The following CLMP variants were observed in gnomAD, a reference collection of about 807,000 sequenced individuals.
CLMP encodes CXADR like cell adhesion molecule.
In CLMP, 27 loss-of-function variants were observed where a neutral mutation model predicts 45.2. The ratio of observed to expected loss-of-function variants is 0.60; its 90% CI spans 0.44 to 0.82. The LOEUF is 0.82. CLMP is among the 40% of genes least tolerant of loss of function. The pLI is 0.00. For missense variants in CLMP, 403 were observed against 448.4 expected, an observed-to-expected ratio of 0.90 and a Z score of 0.91; for synonymous variants, 167 against 171.4, an observed-to-expected ratio of 0.97 and a Z score of 0.20.
chr11:123,084,689 C>T lies in CLMP; in HGVS notation c.211G>A (p.Val71Ile). Residue 71 changes from valine (V) to isoleucine (I), a missense_variant, in exon 3 of 7, where the codon GTC becomes ATC. Coordinates refer to ENST00000448775, the MANE Select transcript of CLMP (RefSeq NM_024769.5). ...KVVITYSSRHVYNNLTEEQKG... is the reference protein window; with the variant it reads ...KVVITYSSRHIYNNLTEEQKG... Reference sequence around the variant, plus strand: ...TGTTCCTCAGTCAAGTTATTGTAGACATGACGACTGGAGTAAGTGATCACC... The same window carrying T: ...TGTTCCTCAGTCAAGTTATTGTAGATATGACGACTGGAGTAAGTGATCACC... 1 of 1,614,172 alleles carries T rather than the reference C, an allele frequency of 6.2e-7. No individual in the cohort carries two copies. The highest frequency in any genetic ancestry group is 2.2e-5 in the East Asian group (1 of 44,884).
intron 1 of CLMP, among the ~76,000 whole-genome samples, chr11:123,173,941 G>T (rs1035570979): frequency 6.6e-6 from 1 of 152,026 alleles, no homozygotes; most frequent in Non-Finnish European, 1.5e-5. Flanking sequence ...AAATTAGCTG[G>T]GCATGGTGGT....
At chr11:123,125,433 C>G (rs1860874321) in intron 1 of CLMP, among the ~76,000 whole-genome samples, 1 of 150,298 alleles carries the variant, frequency 6.7e-6, no homozygotes, top group Non-Finnish European at 1.5e-5. Context: ...GGGCCACGTT[C>G]CCCAGCACTC....
intron 1 of CLMP, among the ~76,000 whole-genome samples, chr11:123,180,973 TG>T (rs1447556638): frequency 1.3e-5 from 2 of 152,140 alleles, no homozygotes; most frequent in African/African-American, 4.8e-5. Flanking sequence ...GCAAGCAGAC[TG>T]GGGGCCCGGG....
At chr11:123,137,456 A>AC (rs938066286) in intron 1 of CLMP, among the ~76,000 whole-genome samples, 5 of 151,846 alleles carry the variant, frequency 3.3e-5, no homozygotes, top group Admixed American at 2.6e-4. Context: ...GGTGGAGCCG[A>AC]CAGGGTCCCA....
chr11:123,146,638 T>C (rs1389569952), intron 1 of CLMP, among the ~76,000 whole-genome samples: 1 of 152,148 alleles, frequency 6.6e-6, no homozygotes, highest in Non-Finnish European at 1.5e-5. Context: ...TCCTGCTACC[T>C]GCCATTGGTT....
intron 1 of CLMP, among the ~76,000 whole-genome samples, chr11:123,192,738 T>TCAGACGATGAACACTCTC (rs1389138789): frequency 6.6e-6 from 1 of 152,052 alleles, no homozygotes; most frequent in Non-Finnish European, 1.5e-5. Context: ...GTCCCACAGT[T>TCAGACGATGAACACTCTC]CAGACGATGA....
Position 123,080,586 on chromosome 11 carries a change from CAA to C in CLMP, c.679+2497_679+2498del, listed in dbSNP as rs536841486. On this transcript the variant is annotated intron_variant, in intron 5 of 6. Coordinates refer to ENST00000448775, the MANE Select transcript of CLMP (RefSeq NM_024769.5). Reference sequence around the variant, plus strand: ...AAGTGATCTGCCCGCCTTGGCCTCCCAAAGTGTTGGGATTACAGGTGTGAGCC... The same window carrying C: ...AAGTGATCTGCCCGCCTTGGCCTCCCAGTGTTGGGATTACAGGTGTGAGCC... 4.4e-3 allele frequency among the ~76,000 whole-genome samples: 675 copies of C among 152,222 alleles called. 5 individuals are homozygous for C. The highest frequency in any genetic ancestry group is 5.6e-3 in the Non-Finnish European group (378 of 68,014).
rs778937363 is a variant in CLMP at position 123,084,505 on chromosome 11, A to G, written c.388+7T>C. On this transcript the variant is annotated splice_region_variant and intron_variant, in intron 3 of 6. Coordinates refer to ENST00000448775, the MANE Select transcript of CLMP (RefSeq NM_024769.5). The stretch of plus-strand genomic sequence containing the variant: ...CTGTAGACATTCACTTTGGCATCCT[A>G]TCTTACCTAAGACTTTTAAGATGAC... The G allele has an allele frequency of 1.4e-5, 23 of 1,612,198 alleles. No individual in the cohort carries two copies. Among genetic ancestry groups the G allele is most frequent in the Non-Finnish European group, 1.5e-5 (18 of 1,178,390 alleles).
At chr11:123,119,311 G>A (rs1460831833) in intron 1 of CLMP, among the ~76,000 whole-genome samples, 2 of 151,800 alleles carry the variant, frequency 1.3e-5, no homozygotes, top group Admixed American at 6.6e-5. Context: ...TCAAACTCCC[G>A]ACCTCAGGTG....
At chr11:123,182,240 C>G (rs1176169405) in intron 1 of CLMP, among the ~76,000 whole-genome samples, 1 of 152,162 alleles carries the variant, frequency 6.6e-6, no homozygotes, top group Admixed American at 6.5e-5. Context: ...AAGCCAAGAC[C>G]CTAGAGAAGC....
intron 1 of CLMP, among the ~76,000 whole-genome samples, chr11:123,174,076 T>C (rs1861669018): frequency 6.6e-6 from 1 of 152,112 alleles, no homozygotes; most frequent in African/African-American, 2.4e-5. Flanking sequence ...GGTGGGACCC[T>C]GTTTCAAAAA....
At chr11:123,106,239 G>T (rs1410402855) in intron 1 of CLMP, among the ~76,000 whole-genome samples, 1 of 152,026 alleles carries the variant, frequency 6.6e-6, no homozygotes, top group Non-Finnish European at 1.5e-5. Context: ...GAAGCAAAAA[G>T]ATTGGACACT....
chr11:123,129,325 T>A (rs1860947132), intron 1 of CLMP, among the ~76,000 whole-genome samples: 1 of 147,636 alleles, frequency 6.8e-6, no homozygotes, highest in Non-Finnish European at 1.5e-5. Flanking sequence ...TGAAACTCTG[T>A]CTTAATATAC....
Position 123,073,614 on chromosome 11 carries a change from G to T in CLMP, c.982C>A (p.Leu328Met), listed in dbSNP as rs750676974. ...ACTAGGCTGTATGCCTGGGTGGCCA[G>T]CCCTGGCTGGGGTGCTGCGTCAGTT... ...LSTDAAPQPG[L>M]ATQAYSLVGP... is the part of the protein sequence containing the mutation. The change falls in exon 7 of 7, where the codon CTG becomes ATG. Residue 328 changes from leucine to methionine, a missense_variant. Physicochemically the swap from Leu to Met is conservative, Grantham distance 15 (BLOSUM62 2). Coordinates refer to ENST00000448775, the MANE Select transcript of CLMP (RefSeq NM_024769.5). 1 of 1,614,234 alleles carries T rather than the reference G, an allele frequency of 6.2e-7. No individual in the cohort carries two copies. The highest frequency in any genetic ancestry group is 8.5e-7 in the Non-Finnish European group (1 of 1,180,032).
At chr11:123,084,415 T>C in intron 3 of CLMP, 97 bp downstream of exon 3, 2 of 980,418 alleles carry the variant, frequency 2.0e-6, no homozygotes, top group Non-Finnish European at 3.2e-6. Context: ...TCCAAAGTAC[T>C]GAACATGATG....
chr11:123,144,077 G>T (rs377220853), intron 1 of CLMP, among the ~76,000 whole-genome samples: 38 of 152,282 alleles, frequency 2.5e-4, no homozygotes, highest in African/African-American at 8.7e-4. Context: ...GTCTCCCAGA[G>T]TGCTAGGATT....
intron 1 of CLMP, among the ~76,000 whole-genome samples, chr11:123,112,618 G>A (rs1472005179): frequency 3.3e-5 from 5 of 152,182 alleles, no homozygotes; most frequent in African/African-American, 7.2e-5. Flanking sequence ...GATCGCAGGC[G>A]TGAGCCGCTG....
intron 1 of CLMP, among the ~76,000 whole-genome samples, chr11:123,133,255 C>T (rs917007398): frequency 1.3e-5 from 2 of 152,092 alleles, no homozygotes; most frequent in South Asian, 2.1e-4. Context: ...ACTCCTTGAC[C>T]GGGCCCTAGT....
rs1865665701 is a variant in CLMP, at chr11:123,071,035, G to C, written c.*2439C>G. On this transcript the variant is annotated 3_prime_UTR_variant, in exon 7 of 7. Coordinates refer to ENST00000448775, the MANE Select transcript of CLMP (RefSeq NM_024769.5). ...ACCAGAGAAATGGGGCAAAATCCCA[G>C]ATTAGTCTTTCCTCTTTAAGCATCT... is the stretch of plus-strand genomic sequence containing the variant. The C allele has an allele frequency of 6.6e-6, 1 of 152,214 alleles. No homozygotes were observed. The highest frequency in any genetic ancestry group is 2.4e-5 in the African/African-American group (1 of 41,452). 9.4% of individuals were successfully genotyped at this position (152,214 alleles called of 1,614,324 possible). A position where few individuals can be genotyped will look rare whatever the true frequency, so the allele number is the denominator to read the frequency against.
Sources: allele counts gnomAD v4.1 joint callset (sites outside exome capture counted in the v4.1 genomes callset), GRCh38; gene constraint gnomAD v4.1.1; transcripts MANE v1.5; gene names NCBI Gene and HGNC (gene_info 2026-07-23, HGNC 2026-07-21).